The following BTBD10 variants were observed in gnomAD, a reference collection of about 807,000 sequenced individuals.
The protein encoded by BTBD10 is BTB domain containing 10.
A neutral mutation model predicts 53.2 loss-of-function variants in BTBD10; 21 were observed. The observed-to-expected ratio is 0.39, with a 90% CI of 0.28 to 0.57. The LOEUF is 0.57. Among genes scored for constraint, BTBD10 ranks in the 20% least tolerant of loss-of-function variants. The pLI, the probability that BTBD10 is intolerant of heterozygous loss-of-function variation, is 0.53. For missense variants in BTBD10, 360 were observed against 594.7 expected (o/e 0.61, Z 4.10); for synonymous variants, 149 against 192.7 (o/e 0.77, Z 1.88).
At chr11:13,397,662 T>A (rs1328184072) in intron 8 of BTBD10, among the ~76,000 whole-genome samples, 1 of 152,232 alleles carries the variant, frequency 6.6e-6, no homozygotes, top group African/African-American at 2.4e-5. Context: ...CTTTCCTGCT[T>A]TCTCTTGTGG....
In BTBD10 at chr11:13,440,984, T is replaced by C. The variant is rs75864418; in HGVS notation, c.101+4040A>G. ...ATTTCAACTGAAATGATCTTTAACA[T>C]CTTCAGCAGGCTACCAAACTGTTCT... is the stretch of plus-strand genomic sequence containing the variant. On this transcript the variant is annotated intron_variant, in intron 2 of 8. Coordinates refer to ENST00000278174, the MANE Select transcript of BTBD10 (RefSeq NM_032320.7). Among the ~76,000 whole-genome samples, 7 of 152,298 alleles carry C rather than the reference T, an allele frequency of 4.6e-5. No individual in the cohort carries two copies. In the East Asian group the frequency reaches 1.3e-3, roughly 29 times the overall value.
At chr11:13,402,938 A>G (rs2135765506) in intron 8 of BTBD10, among the ~76,000 whole-genome samples, 1 of 152,314 alleles carries the variant, frequency 6.6e-6, no homozygotes, top group South Asian at 2.1e-4. Context: ...AGACAAATTC[A>G]TATCTCTATC....
At chr11:13,405,461 T>C in intron 7 of BTBD10, 198 bp downstream of exon 7, 1 of 584,068 alleles carries the variant, frequency 1.7e-6, no homozygotes, top group Non-Finnish European at 3.0e-6. Flanking sequence ...TTGCGAGCCA[T>C]GCAGTTTCTG....
intron 1 of BTBD10, among the ~76,000 whole-genome samples, chr11:13,447,134 TTCTTTC>T (rs912069590): frequency 2.8e-4 from 42 of 152,146 alleles, no homozygotes; most frequent in Admixed American, 2.5e-3. Flanking sequence ...CTTTTCTTTC[TTCTTTC>T]TCTTTATCTC....
intron 1 of BTBD10, among the ~76,000 whole-genome samples, chr11:13,461,380 A>G (rs1951092381): frequency 6.6e-6 from 1 of 152,234 alleles, no homozygotes; most frequent in South Asian, 2.1e-4. Flanking sequence ...AGCACTGATT[A>G]GGGGGACCTG....
intron 2 of BTBD10, among the ~76,000 whole-genome samples, chr11:13,424,753 C>T (rs781634216): frequency 1.3e-5 from 2 of 151,946 alleles, no homozygotes; most frequent in African/African-American, 4.8e-5. Context: ...AGAAACCAAA[C>T]GGAATATAGG....
At chr11:13,435,303 G>C (rs893813423) in intron 2 of BTBD10, among the ~76,000 whole-genome samples, 1 of 152,066 alleles carries the variant, frequency 6.6e-6, no homozygotes, top group Admixed American at 6.5e-5. Flanking sequence ...ACTACACTGT[G>C]CCAGTTACTG....
intron 6 of BTBD10, among the ~76,000 whole-genome samples, chr11:13,409,204 T>C (rs1249023157): frequency 1.3e-5 from 2 of 152,218 alleles, no homozygotes; most frequent in Non-Finnish European, 2.9e-5. Context: ...AGCTCCTTCA[T>C]TGTGTGCATT....
At chr11:13,439,458 T>C (rs1442810479) in intron 2 of BTBD10, among the ~76,000 whole-genome samples, 1 of 152,160 alleles carries the variant, frequency 6.6e-6, no homozygotes, top group Non-Finnish European at 1.5e-5. Flanking sequence ...TATATATAAA[T>C]GGTTCAGTTA....
At chr11:13,406,580 A>C (rs1010342456) in intron 6 of BTBD10, among the ~76,000 whole-genome samples, 14 of 150,282 alleles carry the variant, frequency 9.3e-5, no homozygotes, top group Non-Finnish European at 1.6e-4. Flanking sequence ...AGAGAGAGAG[A>C]GAGAGAGAAA....
rs11354653 is a variant in BTBD10, at chr11:13,436,790, G to GT, written c.101+8233dup. Among the ~76,000 whole-genome samples, 32 of 151,302 alleles carry GT rather than the reference G, an allele frequency of 2.1e-4. No homozygotes were observed. In the Middle Eastern group the frequency reaches 0.014, roughly 64 times the overall value. Reference sequence around the variant, plus strand: ...ACCAGAGCTGTCACAAGATTTCTCTGTTTTTTTTTGAGAAAGAGTCTCACT... The same window carrying GT: ...ACCAGAGCTGTCACAAGATTTCTCTGTTTTTTTTTTGAGAAAGAGTCTCACT... On this transcript the variant is annotated intron_variant, in intron 2 of 8. Coordinates refer to ENST00000278174, the MANE Select transcript of BTBD10 (RefSeq NM_032320.7).
At chr11:13,390,844 T>C (rs1306157594) in intron 8 of BTBD10, among the ~76,000 whole-genome samples, 1 of 152,184 alleles carries the variant, frequency 6.6e-6, no homozygotes, top group Non-Finnish European at 1.5e-5. Context: ...TGTGTGTATG[T>C]GGTGGGGGTG....
At chr11:13,438,557 T>A (rs1397406643) in intron 2 of BTBD10, among the ~76,000 whole-genome samples, 1 of 152,002 alleles carries the variant, frequency 6.6e-6, no homozygotes, top group African/African-American at 2.4e-5. Flanking sequence ...GACTAAAGGA[T>A]GTTCATAATT....
At chr11:13,433,712 T>C (rs1565259118) in intron 2 of BTBD10, among the ~76,000 whole-genome samples, 1 of 152,178 alleles carries the variant, frequency 6.6e-6, no homozygotes, top group Non-Finnish European at 1.5e-5. Context: ...GCTGTTTTCA[T>C]GCTACAATGA....
chr11:13,409,386 G>C (rs1003476372), intron 6 of BTBD10, among the ~76,000 whole-genome samples: 43 of 151,988 alleles, frequency 2.8e-4, no homozygotes, highest in African/African-American at 8.2e-4. Flanking sequence ...CATTCCATTA[G>C]AACAGAAAGT....
At chr11:13,459,046 T>TTTTA (rs1565277437) in intron 1 of BTBD10, among the ~76,000 whole-genome samples, 33 of 130,562 alleles carry the variant, frequency 2.5e-4, no homozygotes, top group African/African-American at 4.9e-4. Context: ...TTATTTATTT[T>TTTTA]TTTATTTATT....
chr11:13,440,560 C>G (rs1223472160), intron 2 of BTBD10, among the ~76,000 whole-genome samples: 1 of 152,154 alleles, frequency 6.6e-6, no homozygotes, highest in African/African-American at 2.4e-5. Flanking sequence ...AATTAAGAAT[C>G]CACTCAAGAA....
chr11:13,436,232 A>G (rs1950541282), intron 2 of BTBD10, among the ~76,000 whole-genome samples: 1 of 152,166 alleles, frequency 6.6e-6, no homozygotes, highest in South Asian at 2.1e-4. Context: ...TTTCCTTCAC[A>G]TTAAGGCTTA....
intron 2 of BTBD10, among the ~76,000 whole-genome samples, chr11:13,432,739 A>T (rs1591147942): frequency 1.3e-5 from 2 of 152,194 alleles, no homozygotes; most frequent in East Asian, 3.9e-4. Flanking sequence ...AATAGCAGAA[A>T]TTTTTACAAA....
Sources: gnomAD v4.1 joint callset for allele counts (sites outside exome capture counted in the v4.1 genomes callset) on GRCh38, gnomAD v4.1.1 for gene constraint, MANE v1.5 for transcripts, NCBI Gene and HGNC (gene_info 2026-07-23, HGNC 2026-07-21) for gene names.